The following RUNX1 variants were observed in gnomAD, a reference collection of about 807,000 sequenced individuals.
RUNX1 encodes the protein RUNX family transcription factor 1.
A neutral mutation model predicts 42.8 loss-of-function variants in RUNX1; 19 were observed. The observed-to-expected ratio is 0.44, with a 90% CI of 0.31 to 0.65. RUNX1 has a LOEUF of 0.65. Among genes scored for constraint, RUNX1 ranks in the 30% least tolerant of loss-of-function variants. The probability of loss-of-function intolerance (pLI) is 0.07; values close to 1 mark genes in which losing one functional copy is unlikely to be tolerated. For synonymous variants in RUNX1, 271 were observed against 289.4 expected, an observed-to-expected ratio of 0.94 and a Z score of 0.64; for missense variants, 528 against 672.0, an observed-to-expected ratio of 0.79 and a Z score of 2.37.
chr21:34,885,329 G>A (rs2057966347), intron 4 of RUNX1, among the ~76,000 whole-genome samples: 1 of 152,182 alleles, frequency 6.6e-6, no homozygotes, highest in Admixed American at 6.5e-5. Context: ...GTGCCCTAAA[G>A]AGTCATCGCT....
At chr21:34,900,002 G>C (rs900002943) in intron 2 of RUNX1, among the ~76,000 whole-genome samples, 10 of 152,138 alleles carry the variant, frequency 6.6e-5, no homozygotes, top group African/African-American at 2.4e-4. Context: ...CAAAAGCTAT[G>C]TGGACATTCT....
chr21:34,958,048 G>A (rs59955582), intron 2 of RUNX1, among the ~76,000 whole-genome samples: 1 of 152,160 alleles, frequency 6.6e-6, no homozygotes, highest in East Asian at 1.9e-4. Context: ...CATCTTTTTT[G>A]AAAGACAGAC....
rs530846393 is a variant in RUNX1 at position 34,796,312 on chromosome 21, A to T, written c.967+2989T>A. Among the ~76,000 whole-genome samples, 4 of 152,318 alleles carry T rather than the reference A, an allele frequency of 2.6e-5. No homozygotes were observed. The East Asian group carries it at 7.7e-4, about 29-fold the overall frequency. ...TTTTTACACACATTTTGATAATACA[A>T]TATCTTAGGCCTTCTAGATATGCTC... On this transcript the variant is annotated intron_variant, in intron 8 of 8. Coordinates refer to ENST00000675419, the MANE Select transcript of RUNX1 (RefSeq NM_001754.5).
chr21:35,029,993 C>A (rs1426490402), intron 2 of RUNX1, among the ~76,000 whole-genome samples: 1 of 152,194 alleles, frequency 6.6e-6, no homozygotes, highest in African/African-American at 2.4e-5. Flanking sequence ...AGAAATGTCT[C>A]CAGACAGTGC....
chr21:34,802,716 G>T (rs558423529), intron 7 of RUNX1, among the ~76,000 whole-genome samples: 1 of 152,252 alleles, frequency 6.6e-6, no homozygotes, highest in East Asian at 1.9e-4. Context: ...AACCCTAGTG[G>T]TATCTATTAC....
chr21:34,829,748 C>G (rs1601406914), intron 7 of RUNX1: 2 of 152,270 alleles, frequency 1.3e-5, no homozygotes, highest in East Asian at 3.9e-4. Flanking sequence ...CAAATAGTCC[C>G]TACTCCCTTT....
chr21:34,821,232 C>T, intron 7 of RUNX1: 6 of 1,043,540 alleles, frequency 5.7e-6, no homozygotes, highest in Non-Finnish European at 6.9e-6. Flanking sequence ...GTACAACTAA[C>T]TGGTGATACA....
At chr21:34,893,006 A>C in intron 2 of RUNX1, 43 bp from the exon 3 acceptor site, 1 of 1,357,650 alleles carries the variant, frequency 7.4e-7, no homozygotes. Flanking sequence ...ATGCAAGTTT[A>C]AAAATTAACT....
At chr21:34,802,819 A>C (rs1270636105) in intron 7 of RUNX1, among the ~76,000 whole-genome samples, 1 of 152,204 alleles carries the variant, frequency 6.6e-6, no homozygotes, top group African/African-American at 2.4e-5. Flanking sequence ...CCTTCACCAT[A>C]AACCAACTGG....
chr21:34,890,127 T>A (rs988677470), intron 3 of RUNX1, among the ~76,000 whole-genome samples: 8 of 151,480 alleles, frequency 5.3e-5, no homozygotes, highest in African/African-American at 1.9e-4. Flanking sequence ...GGGGCCGGGG[T>A]TGACTGGCGT....
At chr21:35,010,947 G>A (rs980817461) in intron 2 of RUNX1, among the ~76,000 whole-genome samples, 1 of 152,136 alleles carries the variant, frequency 6.6e-6, no homozygotes, top group Non-Finnish European at 1.5e-5. Context: ...AACATCACAG[G>A]TAGGAATGCT....
Position 34,944,597 on chromosome 21 carries a change from T to A in RUNX1, c.59-51634A>T, listed in dbSNP as rs558959386. Among the ~76,000 whole-genome samples, 53 of 152,316 alleles carry A rather than the reference T, an allele frequency of 3.5e-4. 1 individual carries two copies. The highest frequency in any genetic ancestry group is 3.4e-3 in the Middle Eastern group (1 of 294). ...AAATGTCATTTGGCAAACTTGGTTC[T>A]CACAGTTCAAATGAAATCTATGGAG... On this transcript the variant is annotated intron_variant, in intron 2 of 8. Coordinates refer to ENST00000675419, the MANE Select transcript of RUNX1 (RefSeq NM_001754.5).
At chr21:34,908,030 TC>T (rs1327893059) in intron 2 of RUNX1, among the ~76,000 whole-genome samples, 1 of 152,142 alleles carries the variant, frequency 6.6e-6, no homozygotes, top group East Asian at 1.9e-4. Flanking sequence ...GCTCTGCCAC[TC>T]CTCCAAGAGC....
At chr21:34,993,320 C>A (rs555239072) in intron 2 of RUNX1, among the ~76,000 whole-genome samples, 1 of 152,040 alleles carries the variant, frequency 6.6e-6, no homozygotes, top group African/African-American at 2.4e-5. Flanking sequence ...AGGGTAGAAA[C>A]CATTATCTTA....
chr21:34,877,262 T>G (rs528065108), intron 5 of RUNX1, among the ~76,000 whole-genome samples: 1 of 152,232 alleles, frequency 6.6e-6, no homozygotes, highest in African/African-American at 2.4e-5. Flanking sequence ...CAACTGCAGA[T>G]GTAAACTGAT....
intron 7 of RUNX1, among the ~76,000 whole-genome samples, chr21:34,815,042 C>CA (rs1274995308): frequency 3.3e-5 from 5 of 151,606 alleles, no homozygotes; most frequent in Non-Finnish European, 7.4e-5. Context: ...ACAACCTTTC[C>CA]AAAAAACAGG....
chr21:34,816,292 T>C (rs1055547641), intron 7 of RUNX1, among the ~76,000 whole-genome samples: 3 of 152,158 alleles, frequency 2.0e-5, no homozygotes, highest in East Asian at 1.9e-4. Context: ...GTGGGGGTCC[T>C]GGGAAGGAGA....
At chr21:34,964,466 C>T (rs1477429738) in intron 2 of RUNX1, among the ~76,000 whole-genome samples, 8 of 141,322 alleles carry the variant, frequency 5.7e-5, no homozygotes, top group African/African-American at 2.2e-4. Context: ...CCAGCCTGAG[C>T]GACAGAGCGA....
chr21:34,789,249 A>G lies in RUNX1; in HGVS notation c.*2886T>C, dbSNP rs140071395. 951 of 233,422 alleles carry G rather than the reference A, an allele frequency of 4.1e-3. 2 individuals are homozygous for G. The highest frequency in any genetic ancestry group is 0.01 in the Middle Eastern group (8 of 786). 14.5% of individuals were successfully genotyped at this position (233,422 alleles called of 1,614,324 possible). On this transcript the variant is annotated 3_prime_UTR_variant, in exon 9 of 9. Coordinates refer to ENST00000675419, the MANE Select transcript of RUNX1 (RefSeq NM_001754.5). ...TTGGTACTGGGTGGGGGTATGTGCT[A>G]TCTGCTTAAGAGAACACAGGAAAAG...
Sources: gnomAD v4.1 joint callset for allele counts (sites outside exome capture counted in the v4.1 genomes callset) on GRCh38, gnomAD v4.1.1 for gene constraint, MANE v1.5 for transcripts, NCBI Gene and HGNC (gene_info 2026-07-23, HGNC 2026-07-21) for gene names.